Variants in PALM2AKAP2 observed in about 807,000 individuals in gnomAD.
PALM2AKAP2 encodes the protein PALM2 and AKAP2 fusion.
In PALM2AKAP2, 37 loss-of-function variants were observed where a neutral mutation model predicts 71.5. The ratio of observed to expected loss-of-function variants is 0.52; its 90% CI spans 0.40 to 0.68. PALM2AKAP2 has a LOEUF of 0.68. PALM2AKAP2 is among the 30% of genes least tolerant of loss of function. The probability of loss-of-function intolerance (pLI) is 0.00; values close to 1 mark genes in which losing one functional copy is unlikely to be tolerated. For missense variants in PALM2AKAP2, 1,224 were observed against 1,191.8 expected (o/e 1.03, Z -0.40); for synonymous variants, 468 against 478.8 (o/e 0.98, Z 0.29).
At chr9:109,729,082 G>A (rs1168627999) in intron 1 of PALM2AKAP2, among the ~76,000 whole-genome samples, 3 of 152,162 alleles carry the variant, frequency 2.0e-5, no homozygotes, top group African/African-American at 4.8e-5. Flanking sequence ...TAGTTTCTAT[G>A]AGGACATTTC....
chr9:109,660,270 A>G (rs903096807), intron 1 of PALM2AKAP2, among the ~76,000 whole-genome samples: 1 of 152,164 alleles, frequency 6.6e-6, no homozygotes, highest in African/African-American at 2.4e-5. Context: ...ATAGGTATAC[A>G]TGTGCCATGT....
chr9:110,139,738 T>G (rs1835981588), intron 2 of PALM2AKAP2, among the ~76,000 whole-genome samples: 1 of 152,208 alleles, frequency 6.6e-6, no homozygotes, highest in Non-Finnish European at 1.5e-5. Flanking sequence ...AAAGAAAAGT[T>G]CCCAAGTACA....
At chr9:109,969,498 G>A (rs1156790539) in intron 6 of PALM2AKAP2, among the ~76,000 whole-genome samples, 1 of 152,186 alleles carries the variant, frequency 6.6e-6, no homozygotes, top group Non-Finnish European at 1.5e-5. Flanking sequence ...TGTACCCCAA[G>A]GCTGCTGGTC....
chr9:109,818,246 C>T (rs1827902472), intron 1 of PALM2AKAP2, among the ~76,000 whole-genome samples: 1 of 151,556 alleles, frequency 6.6e-6, no homozygotes, highest in African/African-American at 2.4e-5. Context: ...TTTTTTTTGA[C>T]AAGTCAGCCC....
chr9:109,654,132 A>T (rs62581671), intron 1 of PALM2AKAP2, among the ~76,000 whole-genome samples: 39,279 of 152,192 alleles, frequency 0.26, 5,336 homozygotes, highest in Middle Eastern at 0.35. Flanking sequence ...TTAATATTTT[A>T]AAAGTAGTGA....
At position 109,864,977 on chromosome 9, in the gene PALM2AKAP2, C is replaced by G. The variant is rs891207134; in HGVS notation, c.46-2514C>G. ...TGTTCCTAAAGGCAAGCCCTACAAC[C>G]AGTTAGATTTTCCTCCTCATTGTCC... On this transcript the variant is annotated intron_variant, in intron 1 of 9. Transcript: ENST00000302798. 2.0e-5 allele frequency among the ~76,000 whole-genome samples: 3 copies of G among 152,046 alleles called. No individual in the cohort carries two copies. In the South Asian group the frequency reaches 6.2e-4, roughly 32 times the overall value.
At chr9:109,658,040 G>C (rs1206091274) in intron 1 of PALM2AKAP2, among the ~76,000 whole-genome samples, 1 of 151,920 alleles carries the variant, frequency 6.6e-6, no homozygotes, top group Non-Finnish European at 1.5e-5. Context: ...ATTTTGGCTT[G>C]AGCAGTAGGT....
At chr9:109,829,430 A>T (rs1264914378) in intron 1 of PALM2AKAP2, among the ~76,000 whole-genome samples, 2 of 152,146 alleles carry the variant, frequency 1.3e-5, no homozygotes, top group African/African-American at 4.8e-5. Context: ...TTGTTTCCCC[A>T]GCACCCTGGA....
intron 1 of PALM2AKAP2, among the ~76,000 whole-genome samples, chr9:109,664,756 T>G (rs992997749): frequency 1.3e-5 from 2 of 152,266 alleles, no homozygotes; most frequent in Non-Finnish European, 2.9e-5. Context: ...GTTGGGGAAG[T>G]TCTCCTGGAT....
intron 1 of PALM2AKAP2, among the ~76,000 whole-genome samples, chr9:110,122,809 T>G (rs1835517645): frequency 6.6e-6 from 1 of 152,166 alleles, no homozygotes; most frequent in Non-Finnish European, 1.5e-5. Context: ...AGTGCAAATT[T>G]ATTTTCAGAA....
chr9:109,943,337 C>T, intron 6 of PALM2AKAP2: 1 of 1,614,218 alleles, frequency 6.2e-7, no homozygotes, highest in Non-Finnish European at 8.5e-7. Flanking sequence ...GAGCCCTCAT[C>T]CCCAGAAGGG....
chr9:110,007,451 A>G (rs776547139), intron 6 of PALM2AKAP2, among the ~76,000 whole-genome samples: 18 of 152,206 alleles, frequency 1.2e-4, no homozygotes, highest in Admixed American at 3.3e-4. Context: ...TTCAAGATAC[A>G]TATTTTTGTA....
At chr9:109,783,416 A>T (rs2118816491) in intron 1 of PALM2AKAP2, among the ~76,000 whole-genome samples, 1 of 151,280 alleles carries the variant, frequency 6.6e-6, no homozygotes, top group African/African-American at 2.4e-5. Context: ...CTCCCACCTC[A>T]GCCTCCCCAG....
At chr9:109,913,988 C>T (rs1187671964) in intron 3 of PALM2AKAP2, among the ~76,000 whole-genome samples, 1 of 152,092 alleles carries the variant, frequency 6.6e-6, no homozygotes, top group Non-Finnish European at 1.5e-5. Context: ...GATCTCCTGA[C>T]CTCGTGATCC....
chr9:110,038,282 A>G (rs1407826552), intron 7 of PALM2AKAP2, among the ~76,000 whole-genome samples: 1 of 152,158 alleles, frequency 6.6e-6, no homozygotes, highest in Non-Finnish European at 1.5e-5. Flanking sequence ...GTAAGCTGTC[A>G]TTATACCATT....
At chr9:109,842,218 G>A (rs892176858) in intron 1 of PALM2AKAP2, among the ~76,000 whole-genome samples, 1 of 152,116 alleles carries the variant, frequency 6.6e-6, no homozygotes, top group African/African-American at 2.4e-5. Context: ...GGAGTGTACA[G>A]GACCATCCTT....
intron 1 of PALM2AKAP2, among the ~76,000 whole-genome samples, chr9:109,688,349 A>T (rs1827832100): frequency 6.6e-6 from 1 of 152,208 alleles, no homozygotes. Context: ...TCATTTGTAA[A>T]CCCATACTGG....
rs75907713 is a variant in PALM2AKAP2, at chr9:109,936,936, T to C, written c.496+4908T>C. 3.8e-4 allele frequency among the ~76,000 whole-genome samples: 58 copies of C among 152,348 alleles called. No homozygotes were observed. In the East Asian group the frequency reaches 7.9e-3, roughly 21 times the overall value. ...GAAAGTGAGCTGGGAAAAGCCTGAA[T>C]CAATGATTGAACTTTCCATCCTCCT... On this transcript the variant is annotated intron_variant, in intron 6 of 9. Transcript: ENST00000302798.
chr9:109,865,291 G>A (rs1014206545), intron 1 of PALM2AKAP2, among the ~76,000 whole-genome samples: 8 of 151,846 alleles, frequency 5.3e-5, no homozygotes, highest in East Asian at 1.9e-4. Context: ...TATAGATGGG[G>A]TTTCGCCATG....
Sources: gnomAD v4.1 joint callset for allele counts (sites outside exome capture counted in the v4.1 genomes callset) on GRCh38, gnomAD v4.1.1 for gene constraint, MANE v1.5 for transcripts, NCBI Gene and HGNC (gene_info 2026-07-23, HGNC 2026-07-21) for gene names.